Variants in LRRTM4 observed in about 807,000 individuals in gnomAD.
LRRTM4 encodes leucine rich repeat transmembrane neuronal 4.
A neutral mutation model predicts 47.6 loss-of-function variants in LRRTM4; 25 were observed. The observed-to-expected ratio is 0.53, with a 90% CI of 0.38 to 0.73. The LOEUF (loss-of-function observed/expected upper bound fraction) is 0.73, where lower values mean the gene tolerates loss of function less well. LRRTM4 is among the 30% of genes least tolerant of loss of function. The pLI is 0.00. For missense variants in LRRTM4, 638 were observed against 713.4 expected, an observed-to-expected ratio of 0.89 and a Z score of 1.20; for synonymous variants, 311 against 269.5, an observed-to-expected ratio of 1.15 and a Z score of -1.51.
chr2:77,509,105 A>G (rs2141939), intron 3 of LRRTM4, among the ~76,000 whole-genome samples: 142,474 of 151,800 alleles, frequency 0.94, 66,937 homozygotes, highest in African/African-American at 0.97. Flanking sequence ...GGTAGCACAC[A>G]CCTGTAATCC....
chr2:77,034,411 A>G (rs1359369178), intron 3 of LRRTM4, among the ~76,000 whole-genome samples: 1 of 151,896 alleles, frequency 6.6e-6, no homozygotes, highest in Non-Finnish European at 1.5e-5. Context: ...TCTAGTTTTA[A>G]TATCAATATG....
intron 3 of LRRTM4, among the ~76,000 whole-genome samples, chr2:77,059,475 C>G (rs1342002365): frequency 4.2e-5 from 6 of 143,648 alleles, no homozygotes. Context: ...AACACAAGCT[C>G]GTTGAGTGTG....
chr2:76,901,001 A>G (rs956335773), intron 3 of LRRTM4, among the ~76,000 whole-genome samples: 5 of 152,218 alleles, frequency 3.3e-5, no homozygotes, highest in Non-Finnish European at 5.9e-5. Context: ...CTATTCAAGG[A>G]AATTTTTAAG....
intron 3 of LRRTM4, among the ~76,000 whole-genome samples, chr2:77,348,635 AT>A (rs921008610): frequency 3.3e-5 from 5 of 150,582 alleles, no homozygotes; most frequent in South Asian, 2.1e-4. Flanking sequence ...TGGAATTATG[AT>A]TTTTTTAAAA....
At chr2:76,957,251 C>T (rs1287263691) in intron 3 of LRRTM4, among the ~76,000 whole-genome samples, 1 of 151,584 alleles carries the variant, frequency 6.6e-6, no homozygotes, top group Non-Finnish European at 1.5e-5. Flanking sequence ...TTACCAGGGT[C>T]TGAAACAGGG....
chr2:77,170,995 A>G (rs1673033705), intron 3 of LRRTM4, among the ~76,000 whole-genome samples: 1 of 150,878 alleles, frequency 6.6e-6, no homozygotes, highest in African/African-American at 2.4e-5. Flanking sequence ...TATTAGCTTT[A>G]TATATGTATA....
intron 3 of LRRTM4, among the ~76,000 whole-genome samples, chr2:77,152,093 C>A (rs1027883050): frequency 6.6e-6 from 1 of 152,120 alleles, no homozygotes; most frequent in African/African-American, 2.4e-5. Context: ...TGATGACTGG[C>A]TTTATGCCAC....
At chr2:77,413,845 C>T (rs956102428) in intron 3 of LRRTM4, among the ~76,000 whole-genome samples, 2 of 39,516 alleles carry the variant, frequency 5.1e-5, no homozygotes, top group African/African-American at 8.4e-5. Flanking sequence ...TAGTTTTATA[C>T]ACACACACAC....
intron 3 of LRRTM4, among the ~76,000 whole-genome samples, chr2:77,209,162 A>G (rs188443705): frequency 8.3e-4 from 126 of 152,260 alleles, no homozygotes; most frequent in African/African-American, 3.0e-3. Context: ...TTATAAACTC[A>G]ACCTAGGAGA....
chr2:77,293,299 G>A (rs1187912404), intron 3 of LRRTM4, among the ~76,000 whole-genome samples: 5 of 152,050 alleles, frequency 3.3e-5, no homozygotes, highest in Non-Finnish European at 5.9e-5. Flanking sequence ...ACAAACATAC[G>A]TAAGACAGAA....
At chr2:77,037,861 T>G (rs545357860) in intron 3 of LRRTM4, among the ~76,000 whole-genome samples, 1 of 151,838 alleles carries the variant, frequency 6.6e-6, no homozygotes, top group East Asian at 1.9e-4. Context: ...TTCATATTAA[T>G]GCACTTGGTA....
intron 3 of LRRTM4, among the ~76,000 whole-genome samples, chr2:77,090,154 T>C (rs185108271): frequency 0.018 from 2,677 of 152,262 alleles, 47 homozygotes; most frequent in African/African-American, 0.047. Context: ...ACACCTGGTC[T>C]GGCTTACAGT....
intron 3 of LRRTM4, among the ~76,000 whole-genome samples, chr2:76,797,114 A>C (rs182606875): frequency 8.3e-4 from 126 of 152,158 alleles, no homozygotes; most frequent in Non-Finnish European, 1.5e-3. Context: ...AATACAGAGA[A>C]TGCCACAAAG....
At chr2:77,276,168 A>C (rs1025481110) in intron 3 of LRRTM4, among the ~76,000 whole-genome samples, 4 of 152,062 alleles carry the variant, frequency 2.6e-5, no homozygotes, top group Admixed American at 6.6e-5. Context: ...CTATACTTTT[A>C]TCAATAAATT....
At chr2:77,235,214 T>G (rs555320513) in intron 3 of LRRTM4, among the ~76,000 whole-genome samples, 1 of 151,962 alleles carries the variant, frequency 6.6e-6, no homozygotes, top group East Asian at 1.9e-4. Context: ...ATCTGTTGGT[T>G]TTTTACTATA....
chr2:77,051,807 C>T (rs933164635), intron 3 of LRRTM4, among the ~76,000 whole-genome samples: 1 of 151,944 alleles, frequency 6.6e-6, no homozygotes, highest in Admixed American at 6.6e-5. Context: ...TTTTTTTTCA[C>T]TCTATTTCAC....
At chr2:77,254,314 T>C (rs1032592298) in intron 3 of LRRTM4, among the ~76,000 whole-genome samples, 50 of 151,872 alleles carry the variant, frequency 3.3e-4, no homozygotes, top group African/African-American at 1.1e-3. Context: ...AAAACTATCC[T>C]TCATAAATGA....
At chr2:77,153,043 A>G (rs537372330) in intron 3 of LRRTM4, among the ~76,000 whole-genome samples, 2 of 152,304 alleles carry the variant, frequency 1.3e-5, no homozygotes, top group South Asian at 2.1e-4. Context: ...AAAAAAAAGC[A>G]TATTCCTTCT....
intron 3 of LRRTM4, among the ~76,000 whole-genome samples, chr2:76,783,323 G>T (rs1386719323): frequency 6.6e-6 from 1 of 151,898 alleles, no homozygotes; most frequent in African/African-American, 2.4e-5. Flanking sequence ...GGCAAATAAT[G>T]GTTGGAAAAG....
Sources: gnomAD v4.1 joint callset for allele counts (sites outside exome capture counted in the v4.1 genomes callset) on GRCh38, gnomAD v4.1.1 for gene constraint, MANE v1.5 for transcripts, NCBI Gene and HGNC (gene_info 2026-07-23, HGNC 2026-07-21) for gene names.